Variants in USP54 observed in about 807,000 individuals in gnomAD.
The protein encoded by USP54 is ubiquitin specific peptidase 54.
A neutral mutation model predicts 170.5 loss-of-function variants in USP54; 87 were observed. The observed-to-expected ratio is 0.51, with a 90% CI of 0.43 to 0.61. The LOEUF is 0.61. Ranked by LOEUF, USP54 falls within the 20% of genes least tolerant of loss-of-function variation. The probability of loss-of-function intolerance (pLI) is 0.00; values close to 1 mark genes in which losing one functional copy is unlikely to be tolerated. For synonymous variants in USP54, 655 were observed against 742.8 expected (o/e 0.88, Z 1.92); for missense variants, 1,786 against 2,047.8 (o/e 0.87, Z 2.47).
At position 73,505,803 on chromosome 10, in the gene USP54, T is replaced by C. The variant is rs548845775; in HGVS notation, c.4052-377A>G. 3.2e-4 allele frequency: 52 copies of C among 160,720 alleles called. 1 individual carries two copies. The South Asian group carries it at 5.4e-3, about 17-fold the overall frequency. 10.0% of individuals were successfully genotyped at this position (160,720 alleles called of 1,614,324 possible). A position where few individuals can be genotyped will look rare whatever the true frequency, so the allele number is the denominator to read the frequency against. ...GAGAATGGCGTGAACCCGGGAGGCG[T>C]AGCTTGCAGTGAGCGGAGATCACGC... On this transcript the variant is annotated intron_variant, in intron 20 of 23. Transcript: ENST00000687698.
At chr10:73,605,314 T>G (rs572154831) in intron 1 of USP54, among the ~76,000 whole-genome samples, 1 of 152,314 alleles carries the variant, frequency 6.6e-6, no homozygotes, top group East Asian at 1.9e-4. Context: ...TCCGCCCACC[T>G]TGGCCTCCCA....
At chr10:73,551,254 G>A (rs942398375) in intron 4 of USP54, among the ~76,000 whole-genome samples, 7 of 152,126 alleles carry the variant, frequency 4.6e-5, no homozygotes, top group Non-Finnish European at 7.4e-5. Context: ...TGTGGGAGAG[G>A]CAGTGCCAGC....
chr10:73,600,058 C>T (rs1168967473), intron 1 of USP54, among the ~76,000 whole-genome samples: 3 of 152,086 alleles, frequency 2.0e-5, no homozygotes, highest in Admixed American at 6.6e-5. Flanking sequence ...TGCACCACCA[C>T]GCTCAGCTAA....
Position 73,523,659 on chromosome 10 carries a change from C to T in USP54, c.2286G>A (p.Glu762=). The change falls in exon 17 of 24, where the codon GAG becomes GAA. Residue 762 remains glutamate (E), a synonymous_variant. Transcript: ENST00000687698. ...AQEQELRRKR[E]KELEAAKGFN... ...ACCCTTTCGCTGCCTCTAACTCCTT[C>T]TCCCGTTTTCTTCGAAGTTCCTGTT... 1.2e-6 allele frequency: 2 copies of T among 1,613,958 alleles called. No homozygotes were observed. Among genetic ancestry groups the T allele is most frequent in the Non-Finnish European group, 1.7e-6 (2 of 1,179,896 alleles).
intron 1 of USP54, among the ~76,000 whole-genome samples, chr10:73,605,868 GTC>G (rs2079577425): frequency 6.6e-6 from 1 of 151,984 alleles, no homozygotes; most frequent in Non-Finnish European, 1.5e-5. Context: ...TGGATTTGGA[GTC>G]TCAGTTTTAT....
At chr10:73,524,178 T>C (rs893169374) in intron 16 of USP54, among the ~76,000 whole-genome samples, 1 of 151,038 alleles carries the variant, frequency 6.6e-6, no homozygotes, top group African/African-American at 2.4e-5. Context: ...AGTGCTGGGA[T>C]TACATACAGG....
chr10:73,592,452 G>C (rs2078342073), upstream of USP54, among the ~76,000 whole-genome samples: 1 of 148,556 alleles, frequency 6.7e-6, no homozygotes, highest in East Asian at 2.0e-4. Flanking sequence ...GTAGTCCTTT[G>C]GCCACAAGGA....
At chr10:73,551,009 G>A (rs1266917846) in intron 4 of USP54, among the ~76,000 whole-genome samples, 1 of 152,196 alleles carries the variant, frequency 6.6e-6, no homozygotes, top group African/African-American at 2.4e-5. Context: ...GGAGGCTGAG[G>A]CAGGAGAATG....
At chr10:73,528,768 G>C (rs759171012) in intron 15 of USP54, among the ~76,000 whole-genome samples, 1 of 152,118 alleles carries the variant, frequency 6.6e-6, no homozygotes, top group East Asian at 1.9e-4. Context: ...ACAGGCGTGA[G>C]CCAACATGCC....
intron 10 of USP54, 102 bp downstream of exon 10, chr10:73,539,342 G>T: frequency 1.3e-6 from 1 of 796,564 alleles, no homozygotes; most frequent in Non-Finnish European, 1.8e-6. Context: ...GAAATGTGGG[G>T]AGGTCCCATT....
intron 20 of USP54, among the ~76,000 whole-genome samples, chr10:73,507,483 T>A (rs7077046): frequency 0.047 from 7,048 of 151,318 alleles, 505 homozygotes; most frequent in African/African-American, 0.15. Flanking sequence ...GACCAGCCTG[T>A]CCAACATGGT....
chr10:73,505,313 A>G lies in USP54; in HGVS notation c.4165T>C (p.Ser1389Pro). Residue 1389 changes from serine (S) to proline (P), a missense_variant, in exon 21 of 24, where the codon TCT (serine) becomes CCT (proline). Ser to Pro is a moderately conservative substitution (Grantham distance 74). This residue lies in a region of USP54 where 1,418 missense variants were observed against 1,569.0 expected (regional missense o/e 0.90). Transcript: ENST00000687698. ...GLHEARTVRT[S>P]QATPCRGLSR... ...TTAGCACCTGAGGCTGCTACCTGAGAAGTACGCACTGTTCTGGCTTCATGG... is the reference window on the plus strand; with the variant it reads ...TTAGCACCTGAGGCTGCTACCTGAGGAGTACGCACTGTTCTGGCTTCATGG... 4 of 1,613,436 alleles carry G rather than the reference A, an allele frequency of 2.5e-6. No individual in the cohort carries two copies. The highest frequency in any genetic ancestry group is 3.4e-6 in the Non-Finnish European group (4 of 1,179,654).
At chr10:73,599,814 G>A (rs1457522756) in intron 1 of USP54, among the ~76,000 whole-genome samples, 1 of 150,344 alleles carries the variant, frequency 6.7e-6, no homozygotes, top group Non-Finnish European at 1.5e-5. Context: ...CCATTTTACA[G>A]ATAAGGAAAC....
chr10:73,521,335 A>G (rs181447250), intron 17 of USP54, among the ~76,000 whole-genome samples: 1 of 152,216 alleles, frequency 6.6e-6, no homozygotes, highest in Admixed American at 6.5e-5. Flanking sequence ...CGGTACTTAT[A>G]TGACAGTGCG....
At chr10:73,590,127 T>C (rs1367534363) in intron 1 of USP54, among the ~76,000 whole-genome samples, 1 of 152,176 alleles carries the variant, frequency 6.6e-6, no homozygotes, top group South Asian at 2.1e-4. Context: ...ACCTGCCAAA[T>C]AGTGATTATT....
intron 3 of USP54, among the ~76,000 whole-genome samples, chr10:73,573,743 C>T (rs751900981): frequency 6.6e-6 from 1 of 152,032 alleles, no homozygotes; most frequent in African/African-American, 2.4e-5. Flanking sequence ...CCAGCCTGGG[C>T]GACAGAGTGA....
chr10:73,561,349 G>A (rs1319044229), intron 4 of USP54, among the ~76,000 whole-genome samples: 1 of 152,078 alleles, frequency 6.6e-6, no homozygotes, highest in African/African-American at 2.4e-5. Flanking sequence ...GAAGGGCAGG[G>A]CACAGTGACT....
intron 17 of USP54, among the ~76,000 whole-genome samples, chr10:73,523,145 G>A (rs1276148547): frequency 6.6e-6 from 1 of 152,162 alleles, no homozygotes; most frequent in African/African-American, 2.4e-5. Flanking sequence ...GGTATCAAAA[G>A]TAAACTGGCT....
At chr10:73,539,022 T>C (rs180739774) in intron 10 of USP54, among the ~76,000 whole-genome samples, 385 of 152,172 alleles carry the variant, frequency 2.5e-3, no homozygotes, top group African/African-American at 8.7e-3. Flanking sequence ...GGCTCATGCC[T>C]ATAATTCCAG....
Sources: allele counts gnomAD v4.1 joint callset (sites outside exome capture counted in the v4.1 genomes callset), GRCh38; gene constraint gnomAD v4.1.1; regional missense constraint gnomAD v4.1.1; transcripts MANE v1.5; gene names NCBI Gene and HGNC (gene_info 2026-07-23, HGNC 2026-07-21).